GLI3: variants seen among roughly 807,000 people sequenced by gnomAD.
GLI3 encodes the protein GLI family zinc finger 3.
In GLI3, 20 loss-of-function variants were observed where a neutral mutation model predicts 100.8. The observed-to-expected ratio is 0.20, with a 90% CI of 0.14 to 0.29. The LOEUF is 0.29. GLI3 is among the 10% of genes least tolerant of loss of function. The pLI is 1.00. For synonymous variants in GLI3, 938 were observed against 860.5 expected (o/e 1.09, Z -1.58); for missense variants, 2,040 against 2,128.5 (o/e 0.96, Z 0.82).
chr7:42,040,576 A>G (rs1395914384), intron 6 of GLI3, among the ~76,000 whole-genome samples: 1 of 152,162 alleles, frequency 6.6e-6, no homozygotes, highest in Non-Finnish European at 1.5e-5. Context: ...TCATTAATTC[A>G]CCACAAGCGA....
In GLI3 at chr7:42,048,519, T is replaced by C; in HGVS notation, c.651A>G (p.Ser217=). 6.2e-7 allele frequency: 1 copy of C among 1,612,996 alleles called. No homozygotes were observed. The highest frequency in any genetic ancestry group is 2.2e-5 in the East Asian group (1 of 44,840). ...CTGTAGGGCTCAGCCCACGGGTTGC[T>C]GAGATCATGGAGAGCGATGGGCTGC... ...LHSSPSLSMI[S]ATRGLSPTDA... is the part of the protein sequence containing the mutation. The change falls in exon 5 of 15, where the codon TCA becomes TCG. Residue 217 remains serine, a synonymous_variant. Coordinates refer to ENST00000395925, the MANE Select transcript of GLI3 (RefSeq NM_000168.6).
At chr7:42,186,663 C>T (rs80078094) in intron 2 of GLI3, among the ~76,000 whole-genome samples, 2,693 of 152,306 alleles carry the variant, frequency 0.018, 59 homozygotes, top group Middle Eastern at 0.075. Flanking sequence ...AGGCCCACAA[C>T]ATTTACAACA....
intron 3 of GLI3, among the ~76,000 whole-genome samples, chr7:42,109,130 T>C (rs1281144342): frequency 6.6e-6 from 1 of 152,220 alleles, no homozygotes; most frequent in Non-Finnish European, 1.5e-5. Context: ...GCGATAGCTC[T>C]TTAAGTACTG....
intron 2 of GLI3, among the ~76,000 whole-genome samples, chr7:42,211,296 C>T (rs990661): frequency 0.87 from 131,769 of 152,240 alleles, 57,087 homozygotes; most frequent in Middle Eastern, 0.93. Context: ...TGGGCATACA[C>T]ATGGTTTTTG....
rs947825895 is a variant in GLI3 at position 42,091,394 on chromosome 7, G to T, written c.368-14537C>A. Among the ~76,000 whole-genome samples the T allele has an allele frequency of 3.9e-5, 6 of 152,296 alleles. No homozygotes were observed. The South Asian group carries it at 1.2e-3, about 32-fold the overall frequency. On this transcript the variant is annotated intron_variant, in intron 3 of 14. Coordinates refer to ENST00000395925, the MANE Select transcript of GLI3 (RefSeq NM_000168.6). ...ACACTTTGGTCCCCTTGCCCCAGTCGCTCAGACACTTCTCCCAGGCACCAG... is the reference window on the plus strand; with the variant it reads ...ACACTTTGGTCCCCTTGCCCCAGTCTCTCAGACACTTCTCCCAGGCACCAG...
chr7:42,204,160 G>A (rs977936485), intron 2 of GLI3, among the ~76,000 whole-genome samples: 2 of 151,122 alleles, frequency 1.3e-5, no homozygotes, highest in African/African-American at 4.9e-5. Flanking sequence ...GTCTAGCATC[G>A]CCTTCATGGG....
At chr7:42,074,846 A>AAAAAG (rs1237252026) in intron 4 of GLI3, among the ~76,000 whole-genome samples, 1 of 152,212 alleles carries the variant, frequency 6.6e-6, no homozygotes, top group East Asian at 1.9e-4. Context: ...TCTTTTTGAT[A>AAAAAG]ATTATACATT....
At chr7:42,070,611 A>G (rs1304693969) in intron 4 of GLI3, among the ~76,000 whole-genome samples, 2 of 152,230 alleles carry the variant, frequency 1.3e-5, no homozygotes, top group Non-Finnish European at 2.9e-5. Flanking sequence ...TATAAATATT[A>G]ACACACATAA....
intron 4 of GLI3, among the ~76,000 whole-genome samples, chr7:42,050,668 A>T (rs1322990247): frequency 6.6e-6 from 1 of 152,232 alleles, no homozygotes; most frequent in African/African-American, 2.4e-5. Flanking sequence ...CTGTTTCAAG[A>T]AAGCCATGAG....
At chr7:42,249,589 A>G (rs568601721) in intron 1 of GLI3, among the ~76,000 whole-genome samples, 44 of 152,216 alleles carry the variant, frequency 2.9e-4, no homozygotes, top group African/African-American at 1.0e-3. Flanking sequence ...TCATTTGTCC[A>G]CCTGTAAATG....
At chr7:42,176,048 T>C (rs1787473926) in intron 2 of GLI3, among the ~76,000 whole-genome samples, 1 of 152,056 alleles carries the variant, frequency 6.6e-6, no homozygotes, top group South Asian at 2.1e-4. Context: ...TCTGAACTTG[T>C]CAACTGAGCT....
intron 4 of GLI3, among the ~76,000 whole-genome samples, chr7:42,056,542 A>G (rs1784464962): frequency 6.6e-6 from 1 of 152,240 alleles, no homozygotes; most frequent in South Asian, 2.1e-4. Context: ...TGCTAAGGTG[A>G]TGAATATTTT....
intron 2 of GLI3, among the ~76,000 whole-genome samples, chr7:42,184,327 C>A (rs944049952): frequency 1.3e-5 from 2 of 152,234 alleles, no homozygotes; most frequent in African/African-American, 4.8e-5. Flanking sequence ...AAGGCCCCTG[C>A]CGCAGATCTC....
At chr7:42,059,376 C>T (rs1040252624) in intron 4 of GLI3, among the ~76,000 whole-genome samples, 4 of 150,348 alleles carry the variant, frequency 2.7e-5, no homozygotes, top group African/African-American at 7.3e-5. Context: ...AGGATAAAAC[C>T]AGTAACTATT....
chr7:42,003,656 C>T (rs1474629246), intron 10 of GLI3, among the ~76,000 whole-genome samples: 4 of 152,070 alleles, frequency 2.6e-5, no homozygotes, highest in Admixed American at 1.3e-4. Flanking sequence ...TCAAATATGA[C>T]CCAAGTCATA....
chr7:42,010,888 A>G (rs1192973672), intron 10 of GLI3, among the ~76,000 whole-genome samples: 12 of 152,132 alleles, frequency 7.9e-5, no homozygotes, highest in African/African-American at 2.9e-4. Context: ...CATTTTTAAG[A>G]TTCCACAACT....
intron 2 of GLI3, among the ~76,000 whole-genome samples, chr7:42,174,070 A>G (rs1379184216): frequency 1.3e-5 from 2 of 152,214 alleles, no homozygotes; most frequent in Non-Finnish European, 2.9e-5. Context: ...ATTAAATTAA[A>G]TGCAGCATGG....
rs1456618552 is a variant in GLI3, at chr7:41,964,196, TGAAACACATCTCA to T, written c.*121_*133del. 1.4e-6 allele frequency: 1 copy of T among 699,848 alleles called. No individual in the cohort carries two copies. The highest frequency in any genetic ancestry group is 2.5e-5 in the Admixed American group (1 of 39,352). 43.4% of individuals were successfully genotyped at this position (699,848 alleles called of 1,614,324 possible). ...TCCTTTTCCATAAAAGGAATATAAT[TGAAACACATCTCA>T]GTTAGGTGAGATGAGATTGCTAAAA... On this transcript the variant is annotated 3_prime_UTR_variant, in exon 15 of 15. Coordinates refer to ENST00000395925, the MANE Select transcript of GLI3 (RefSeq NM_000168.6).
In GLI3 at chr7:42,187,238, G is replaced by A. The variant is rs151148214; in HGVS notation, c.124+35892C>T. The stretch of plus-strand genomic sequence containing the variant: ...AAAAAAAAAAAAAACATGAAGAAGA[G>A]TATTAGCAATAAAATTATTTTAAAA... On this transcript the variant is annotated intron_variant, in intron 2 of 14. Coordinates refer to ENST00000395925, the MANE Select transcript of GLI3 (RefSeq NM_000168.6). Among the ~76,000 whole-genome samples the A allele has an allele frequency of 2.1e-3, 319 of 150,606 alleles. 2 individuals are homozygous for A. Among genetic ancestry groups the A allele is most frequent in the African/African-American group, 7.1e-3 (293 of 41,024 alleles).
Sources: allele counts gnomAD v4.1 joint callset (sites outside exome capture counted in the v4.1 genomes callset), GRCh38; gene constraint gnomAD v4.1.1; transcripts MANE v1.5; gene names NCBI Gene and HGNC (gene_info 2026-07-23, HGNC 2026-07-21).